The following CENPM variants were observed in gnomAD, a reference collection of about 807,000 sequenced individuals.
CENPM encodes centromere protein M.
A neutral mutation model predicts 19.6 loss-of-function variants in CENPM; 14 were observed. The observed-to-expected ratio is 0.71, with a 90% CI of 0.47 to 1.11. CENPM has a LOEUF of 1.11. Ranked by LOEUF, CENPM falls within the 50% of genes most tolerant of loss-of-function variation. The pLI is 0.00. For synonymous variants in CENPM, 114 were observed against 101.5 expected (o/e 1.12, Z -0.74); for missense variants, 239 against 228.4 (o/e 1.05, Z -0.30).
At chr22:41,942,262 T>C (rs1569426921) in intron 5 of CENPM, among the ~76,000 whole-genome samples, 1 of 152,168 alleles carries the variant, frequency 6.6e-6, no homozygotes, top group Non-Finnish European at 1.5e-5. Context: ...GGGGAGCACA[T>C]CAACTCCTGC....
the CENPM span, among the ~76,000 whole-genome samples, chr22:41,932,264 T>G: frequency 6.6e-6 from 1 of 152,150 alleles, no homozygotes; most frequent in Non-Finnish European, 1.5e-5. The surrounding 1 kb of genome is among the most constrained non-coding windows in gnomAD (Gnocchi z 4.3). Flanking sequence ...CACAAACAAG[T>G]ACAATGCTAC....
At chr22:41,946,142 C>G in intron 2 of CENPM, 137 bp from the exon 3 acceptor site, 2 of 776,606 alleles carry the variant, frequency 2.6e-6, no homozygotes, top group Non-Finnish European at 4.3e-6. Flanking sequence ...CTTGTGGCCA[C>G]GACTCCTTGG....
chr22:41,946,435 C>T lies in CENPM; in HGVS notation c.119G>A (p.Cys40Tyr), dbSNP rs766662366. 1.7e-5 allele frequency: 27 copies of T among 1,613,028 alleles called. No individual in the cohort carries two copies. Among genetic ancestry groups the T allele is most frequent in the Middle Eastern group, 3.3e-4 (2 of 6,058 alleles). The stretch of plus-strand genomic sequence containing the variant: ...TACTTACACCTTCAGCTCGGAGGCG[C>T]AGTCCTCTTTGAGCATCGAGTCCGC... ...QLADSMLKED[C>Y]ASELKVHLAK... The change falls in exon 2 of 6, where the codon TGC becomes TAC. Residue 40 changes from cysteine to tyrosine, a missense_variant. Physicochemically the swap from Cys to Tyr is radical, Grantham distance 194. Coordinates refer to ENST00000215980, the MANE Select transcript of CENPM (RefSeq NM_024053.5).
chr22:41,937,009 C>A (rs2146598219), downstream of CENPM, among the ~76,000 whole-genome samples: 1 of 152,286 alleles, frequency 6.6e-6, no homozygotes, highest in East Asian at 1.9e-4. Context: ...TGGGGTCCAT[C>A]CTGAGGCCTG....
At position 41,945,098 on chromosome 22, in the gene CENPM, G is replaced by A. The variant is rs764942560; in HGVS notation, c.310+127C>T. 34 of 1,545,892 alleles carry A rather than the reference G, an allele frequency of 2.2e-5. No homozygotes were observed. The Middle Eastern group carries it at 1.3e-3, about 60-fold the overall frequency. The stretch of plus-strand genomic sequence containing the variant: ...TCCTTCTTCCTGCCCTCCACCCTCC[G>A]ATAGGCCCCAGTGTGTGTAAAATAC... On this transcript the variant is annotated intron_variant, in intron 4 of 5. Coordinates refer to ENST00000215980, the MANE Select transcript of CENPM (RefSeq NM_024053.5).
chr22:41,942,015 G>A (rs752734400), intron 5 of CENPM, among the ~76,000 whole-genome samples: 1 of 152,200 alleles, frequency 6.6e-6, no homozygotes, highest in African/African-American at 2.4e-5. Context: ...ACCAGGATAA[G>A]GGACCCTGGT....
At chr22:41,927,509 C>A in the CENPM span, among the ~76,000 whole-genome samples, 83 of 148,586 alleles carry the variant, frequency 5.6e-4, no homozygotes, top group African/African-American at 1.9e-3. Context: ...ATATCAGACA[C>A]CTGCTTTTTT....
chr22:41,940,087 C>G (rs1204244341), intron 5 of CENPM: 1 of 730,360 alleles, frequency 1.4e-6, no homozygotes, highest in Non-Finnish European at 2.5e-6. Flanking sequence ...TTTCTCCACC[C>G]CAACCCGCCC....
Position 41,945,993 on chromosome 22 carries a change from C to G in CENPM, c.150G>C (p.Lys50Asn). 6.2e-7 allele frequency: 1 copy of G among 1,613,892 alleles called. No homozygotes were observed. Among genetic ancestry groups the G allele is most frequent in the Admixed American group, 1.7e-5 (1 of 59,906 alleles). Reference sequence around the variant, plus strand: ...TCACACTGGAGGGCAAAGGGAGGGACTTTGCCAAGTGGCTGAAAAACAGGA... The same window carrying G: ...TCACACTGGAGGGCAAAGGGAGGGAGTTTGCCAAGTGGCTGAAAAACAGGA... The part of the protein sequence containing the change: ...CASELKVHLA[K>N]SLPLPSSVNR... Residue 50 changes from lysine to asparagine, a missense_variant, in exon 3 of 6, where the codon AAG (lysine) becomes AAC (asparagine). Physicochemically the swap from Lys to Asn is moderately conservative, Grantham distance 94. Transcript: ENST00000215980.
At chr22:41,933,355 GA>G in the CENPM span, among the ~76,000 whole-genome samples, 37 of 152,138 alleles carry the variant, frequency 2.4e-4, 1 homozygote, top group African/African-American at 8.7e-4. Context: ...GCGGCAGGGA[GA>G]GGGGGTGGGG....
downstream of CENPM, among the ~76,000 whole-genome samples, chr22:41,936,162 G>A (rs113190447): frequency 3.9e-5 from 6 of 152,332 alleles, no homozygotes; most frequent in East Asian, 1.9e-4. Flanking sequence ...GAGCCACTGC[G>A]CCTGGCCTCC....
intron 5 of CENPM, chr22:41,940,261 T>G (rs1199083820): frequency 1.2e-5 from 8 of 694,862 alleles, no homozygotes; most frequent in Non-Finnish European, 2.1e-5. Flanking sequence ...AAGTCCTGTT[T>G]GCAGGGGCGT....
downstream of CENPM, among the ~76,000 whole-genome samples, chr22:41,936,797 G>A (rs756372065): frequency 6.9e-4 from 105 of 152,286 alleles, no homozygotes; most frequent in Non-Finnish European, 1.3e-3. Flanking sequence ...GCATGGTGGC[G>A]TGCACCTGTA....
chr22:41,928,256 G>T, the CENPM span: 1 of 270,578 alleles, frequency 3.7e-6, no homozygotes, highest in Non-Finnish European at 7.6e-6. The surrounding 1 kb of genome is among the most constrained non-coding windows in gnomAD (Gnocchi z 4.0). Context: ...GTCCTCTCCT[G>T]CTCACCTCTG....
the CENPM span, among the ~76,000 whole-genome samples, chr22:41,933,305 A>G: frequency 1.3e-4 from 19 of 150,716 alleles, no homozygotes; most frequent in African/African-American, 4.4e-4. Context: ...AGCCTGCCAC[A>G]CTACACACAT....
the CENPM span, among the ~76,000 whole-genome samples, chr22:41,927,941 T>C: frequency 3.0e-4 from 46 of 152,206 alleles, no homozygotes; most frequent in Non-Finnish European, 5.1e-4. Context: ...GAAGGCTTCA[T>C]GGAGAGGGCG....
chr22:41,945,447 A>ATT (rs377012454), intron 3 of CENPM, 143 bp from the exon 4 acceptor site: 15,720 of 1,078,434 alleles, frequency 0.015, no homozygotes, highest in Non-Finnish European at 0.016. Flanking sequence ...TTGTCCTTTA[A>ATT]TTTTTTTTTT....
the CENPM span, among the ~76,000 whole-genome samples, chr22:41,930,963 A>G: frequency 4.7e-5 from 7 of 148,770 alleles, no homozygotes; most frequent in Non-Finnish European, 1.0e-4. Context: ...CAGCCACCCC[A>G]GTAGCTCGGA....
chr22:41,929,935 CTTTTTTTTTT>C, the CENPM span, among the ~76,000 whole-genome samples: 3 of 97,674 alleles, frequency 3.1e-5, no homozygotes, highest in African/African-American at 1.0e-4. Context: ...TTCCCCGTGG[CTTTTTTTTTT>C]TTTTTTTTTT....
Sources: allele counts gnomAD v4.1 joint callset (sites outside exome capture counted in the v4.1 genomes callset), GRCh38; gene constraint gnomAD v4.1.1; non-coding constraint Gnocchi (gnomAD v3.1); transcripts MANE v1.5; gene names NCBI Gene and HGNC (gene_info 2026-07-23, HGNC 2026-07-21).